The following ODF2L variants were observed in gnomAD, a reference collection of about 807,000 sequenced individuals.
The protein encoded by ODF2L is outer dense fiber of sperm tails 2 like, also known as protein BCAP.
ODF2L carries 76 observed loss-of-function variants against 86.3 expected under a neutral mutation model. That is an observed-to-expected ratio of 0.88 (90% CI 0.73 to 1.07). ODF2L has a LOEUF of 1.07. ODF2L is among the 50% of genes least tolerant of loss of function. The pLI, the probability that ODF2L is intolerant of heterozygous loss-of-function variation, is 0.00. For synonymous variants in ODF2L, 241 were observed against 231.3 expected (o/e 1.04, Z -0.38); for missense variants, 748 against 717.4 (o/e 1.04, Z -0.49).
Position 86,387,662 on chromosome 1 carries a change from C to G in ODF2L, c.-59-576G>C, listed in dbSNP as rs370134202. ...GACATTACTTCCAAATTTTACCAAT[C>G]TAATTGTTTTTACTCACACCTGTAG... On this transcript the variant is annotated intron_variant, in intron 1 of 17. Coordinates refer to ENST00000317336, the Ensembl canonical transcript of ODF2L. 3.9e-5 allele frequency among the ~76,000 whole-genome samples: 6 copies of G among 152,216 alleles called. No individual in the cohort carries two copies. In the East Asian group the frequency reaches 9.6e-4, roughly 24 times the overall value.
At chr1:86,356,692 T>C in intron 13 of ODF2L, 90 bp from the exon 13 acceptor site, 1 of 1,095,702 alleles carries the variant, frequency 9.1e-7, no homozygotes, top group Non-Finnish European at 1.3e-6. Context: ...GCTTATAACG[T>C]AAGTATTTTA....
intron 8 of ODF2L, chr1:86,374,957 G>A (rs1415157757): frequency 6.6e-6 from 1 of 152,038 alleles, no homozygotes; most frequent in Non-Finnish European, 1.5e-5. Context: ...CCTGCCTTCT[G>A]AGACTTATAC....
At chr1:86,394,718 TAAG>T (rs1391581684) in intron 1 of ODF2L, among the ~76,000 whole-genome samples, 2 of 151,572 alleles carry the variant, frequency 1.3e-5, no homozygotes, top group Non-Finnish European at 2.9e-5. Context: ...CATTGTGAAA[TAAG>T]AAGATGAAAA....
At position 86,384,720 on chromosome 1, in the gene ODF2L, T is replaced by A; in HGVS notation, c.328A>T (p.Lys110Ter). The A allele has an allele frequency of 6.5e-7, 1 of 1,535,064 alleles. No individual in the cohort carries two copies. Among genetic ancestry groups the A allele is most frequent in the East Asian group, 2.5e-5 (1 of 40,562 alleles). ...CTAAGAAGATGTTCTAAAGCTAGTT[T>A]TACACTTTTGAAGGTGTCTAATTCT... is the stretch of plus-strand genomic sequence containing the variant. Residue 110 changes from lysine (K) to a stop codon, truncating the protein, a stop_gained, in exon 4 of 18, where the codon AAA (lysine) becomes TAA (stop). Transcript: ENST00000317336. LOFTEE classifies it high-confidence loss of function.
chr1:86,380,778 G>T (rs1185366918), intron 7 of ODF2L, among the ~76,000 whole-genome samples: 2 of 151,922 alleles, frequency 1.3e-5, no homozygotes, highest in African/African-American at 4.8e-5. Flanking sequence ...ATAAGAAAAC[G>T]TTCTAATTCT....
chr1:86,351,382 T>A (rs1358282492), exon 18 of ODF2L: 7 of 152,202 alleles, frequency 4.6e-5, no homozygotes, highest in Admixed American at 2.0e-4. Flanking sequence ...TTCTCAGGTA[T>A]GTCAAACAGC....
At chr1:86,366,740 A>G (rs1464994232) in intron 11 of ODF2L, among the ~76,000 whole-genome samples, 1 of 152,182 alleles carries the variant, frequency 6.6e-6, no homozygotes, top group Non-Finnish European at 1.5e-5. Flanking sequence ...TGAAAATTAA[A>G]CTTTTAAACG....
At chr1:86,371,212 C>T (rs1340088450) in intron 9 of ODF2L, 59 bp from the exon 10 acceptor site, 2 of 915,248 alleles carry the variant, frequency 2.2e-6, no homozygotes, top group African/African-American at 3.4e-5. Flanking sequence ...TCAAATAACA[C>T]ATTTTAAGTG....
chr1:86,377,970 C>A (rs1007724715), intron 7 of ODF2L, among the ~76,000 whole-genome samples: 3 of 152,220 alleles, frequency 2.0e-5, no homozygotes, highest in African/African-American at 7.2e-5. Context: ...TTTTCTATTG[C>A]ATGGGCAGGC....
At chr1:86,358,927 A>G in intron 12 of ODF2L, 36 bp from the exon 12 acceptor site, 1 of 1,017,132 alleles carries the variant, frequency 9.8e-7, no homozygotes, top group Non-Finnish European at 1.4e-6. Flanking sequence ...TATTATTTTT[A>G]GAATCATAAC....
rs1658453770 is a variant in ODF2L, at chr1:86,355,266, T to A, written c.1519-407A>T. 4.5e-6 allele frequency: 4 copies of A among 886,426 alleles called. No homozygotes were observed. The Admixed American group carries it at 9.3e-5, about 21-fold the overall frequency. The allele number at this position is 886,426 out of a possible 1,614,324, so 54.9% of individuals were successfully genotyped here. A position where few individuals can be genotyped will look rare whatever the true frequency, so the allele number is the denominator to read the frequency against. On this transcript the variant is annotated intron_variant, in intron 14 of 17. Transcript: ENST00000317336. ...AAAAATACTGATTAATAATTGAGTA[T>A]CTGTGAAGTCGAAACTGTAAATAAA...
intron 7 of ODF2L, among the ~76,000 whole-genome samples, chr1:86,377,150 G>T (rs753543051): frequency 6.6e-5 from 10 of 152,134 alleles, no homozygotes; most frequent in Non-Finnish European, 1.0e-4. Context: ...AAAAAAAGGG[G>T]GCTACAGGAC....
At chr1:86,358,139 T>C in intron 13 of ODF2L, 1 of 970,114 alleles carries the variant, frequency 1.0e-6, no homozygotes. Flanking sequence ...AGAGTAACCT[T>C]ATTAGATTCA....
At chr1:86,385,809 A>G (rs1194256492) in intron 2 of ODF2L, 2 of 377,818 alleles carry the variant, frequency 5.3e-6, no homozygotes, top group Non-Finnish European at 9.5e-6. Flanking sequence ...TTTGGATTAA[A>G]GATGTACGTA....
intron 3 of ODF2L, 112 bp downstream of exon 3, chr1:86,385,346 G>T: frequency 1.7e-6 from 1 of 589,572 alleles, no homozygotes; most frequent in Non-Finnish European, 2.9e-6. Context: ...CCTCATTTTT[G>T]GTATGAAATA....
intron 1 of ODF2L, among the ~76,000 whole-genome samples, chr1:86,389,910 AAAG>A (rs1570440851): frequency 2.0e-5 from 3 of 152,308 alleles, no homozygotes. Context: ...ACCAACAAAA[AAAG>A]AAGTCCAGGA....
At chr1:86,394,457 T>C (rs1177364316) in intron 1 of ODF2L, among the ~76,000 whole-genome samples, 2 of 147,270 alleles carry the variant, frequency 1.4e-5, no homozygotes, top group Non-Finnish European at 3.0e-5. Flanking sequence ...AATATAAAAA[T>C]CTACAAAGCA....
chr1:86,379,000 A>G (rs1193925440), intron 7 of ODF2L, among the ~76,000 whole-genome samples: 2 of 151,994 alleles, frequency 1.3e-5, no homozygotes, highest in African/African-American at 4.8e-5. Flanking sequence ...TTCTCCTGAT[A>G]GTGAGTGAGT....
Position 86,360,451 on chromosome 1 carries a change from G to T in ODF2L, c.1229C>A (p.Thr410Asn), listed in dbSNP as rs762363718. Residue 410 changes from threonine (T) to asparagine (N), a missense_variant, in exon 12 of 18, where the codon ACC (threonine) becomes AAC (asparagine). Thr to Asn is a moderately conservative substitution (Grantham distance 65). Coordinates refer to ENST00000317336, the Ensembl canonical transcript of ODF2L. ...CTGAGTTTTATACATTTCAATAAGG[G>T]TTTTCTGTTTTTTTTCTACTTCTTG... 12 of 1,560,088 alleles carry T rather than the reference G, an allele frequency of 7.7e-6. No homozygotes were observed. The African/African-American group carries it at 9.5e-5, about 12-fold the overall frequency.
Sources: gnomAD v4.1 joint callset for allele counts (sites outside exome capture counted in the v4.1 genomes callset) on GRCh38, gnomAD v4.1.1 for gene constraint, MANE v1.5 for transcripts, NCBI Gene and HGNC (gene_info 2026-07-23, HGNC 2026-07-21) for gene names.